DMXL1: variants seen among roughly 807,000 people sequenced by gnomAD.
DMXL1 encodes dmX-like protein 1.
A neutral mutation model predicts 319.2 loss-of-function variants in DMXL1; 99 were observed. The ratio of observed to expected loss-of-function variants is 0.31; its 90% CI spans 0.26 to 0.37. The LOEUF (loss-of-function observed/expected upper bound fraction) is 0.37, where lower values mean the gene tolerates loss of function less well. Among genes scored for constraint, DMXL1 ranks in the 10% least tolerant of loss-of-function variants. The probability of loss-of-function intolerance (pLI) is 1.00; values close to 1 mark genes in which losing one functional copy is unlikely to be tolerated. For missense variants in DMXL1, 3,745 were observed against 3,595.6 expected, an observed-to-expected ratio of 1.04 and a Z score of -1.06; for synonymous variants, 1,385 against 1,235.2, an observed-to-expected ratio of 1.12 and a Z score of -2.54.
intron 10 of DMXL1, among the ~76,000 whole-genome samples, chr5:119,130,262 TC>T (rs1211073692): frequency 6.6e-6 from 1 of 152,156 alleles, no homozygotes; most frequent in African/African-American, 2.4e-5. Flanking sequence ...CACACAAACA[TC>T]TAAATACAGA....
intron 27 of DMXL1, among the ~76,000 whole-genome samples, chr5:119,177,740 G>A (rs534447389): frequency 2.0e-5 from 3 of 151,864 alleles, no homozygotes; most frequent in East Asian, 3.9e-4. Context: ...AGAAAAACCC[G>A]TCTATGAAAA....
chr5:119,207,670 C>T (rs1006387276), intron 34 of DMXL1, among the ~76,000 whole-genome samples: 1 of 152,036 alleles, frequency 6.6e-6, no homozygotes. Flanking sequence ...AGGCGCCCAC[C>T]ACCACACCTG....
chr5:119,144,329 C>G (rs1185189939), intron 14 of DMXL1, among the ~76,000 whole-genome samples: 2 of 151,770 alleles, frequency 1.3e-5, no homozygotes, highest in South Asian at 2.1e-4. Flanking sequence ...TATAAAGACT[C>G]ATTGTAATGA....
rs750014685 is a variant in DMXL1, at chr5:119,197,954, C to G, written c.7743C>G (p.Phe2581Leu). Residue 2581 changes from phenylalanine to leucine, a missense_variant and splice_region_variant, in exon 32 of 44, where the codon TTC becomes TTG. Physicochemically the swap from Phe to Leu is conservative, Grantham distance 22. Around this residue, in one of 4 missense-constraint regions of DMXL1, gnomAD observed 1,382 missense variants for 1,269.5 expected, o/e 1.09. Coordinates refer to ENST00000539542, the MANE Select transcript of DMXL1 (RefSeq NM_001290321.3). ...TACTGGAACCTACAAACACTCCTTT[C>G]AAGTAGGTTTTCTTATGAATGCTAT... is the stretch of plus-strand genomic sequence containing the variant. Reference protein sequence around the residue: ...KALLEPTNTPFKSKHHLALSV... With the variant: ...KALLEPTNTPLKSKHHLALSV... 2 of 1,613,990 alleles carry G rather than the reference C, an allele frequency of 1.2e-6. No homozygotes were observed. The highest frequency in any genetic ancestry group is 1.3e-5 in the African/African-American group (1 of 75,036).
Position 119,175,335 on chromosome 5 carries a change from C to T in DMXL1, c.6756C>T (p.Tyr2252=), listed in dbSNP as rs1775592472. The change falls in exon 26 of 44, where the codon TAC becomes TAT. Residue 2252 remains tyrosine, a splice_region_variant and synonymous_variant. Transcript: ENST00000539542. ...AGTGCCTTTGTGGTAGTCATAACTA[C>T]AGGTAACTATCTTTTTATGAAATTT... ...IYQCLCGSHN[Y]SSFQTNQFTG... is the part of the protein sequence containing the mutation. 1 of 1,605,274 alleles carries T rather than the reference C, an allele frequency of 6.2e-7. No homozygotes were observed. The highest frequency in any genetic ancestry group is 8.5e-7 in the Non-Finnish European group (1 of 1,173,986).
intron 37 of DMXL1, among the ~76,000 whole-genome samples, chr5:119,223,453 T>G (rs1193580590): frequency 1.3e-5 from 2 of 152,182 alleles, no homozygotes; most frequent in Non-Finnish European, 2.9e-5. Context: ...AGAATGGTAT[T>G]GGACGTATAG....
chr5:119,241,301 G>C (rs369964898), intron 42 of DMXL1, among the ~76,000 whole-genome samples: 4 of 152,220 alleles, frequency 2.6e-5, no homozygotes, highest in Non-Finnish European at 4.4e-5. Context: ...GGAGGCCAAG[G>C]CGGGTGGATC....
intron 43 of DMXL1, among the ~76,000 whole-genome samples, chr5:119,245,469 T>A (rs1029622402): frequency 6.6e-6 from 1 of 152,136 alleles, no homozygotes; most frequent in Admixed American, 6.5e-5. Context: ...AGAATTATTT[T>A]CCTTCAGTTT....
At chr5:119,200,893 C>G (rs1780580342) in intron 32 of DMXL1, among the ~76,000 whole-genome samples, 1 of 152,136 alleles carries the variant, frequency 6.6e-6, no homozygotes, top group South Asian at 2.1e-4. Context: ...TATAGGAATG[C>G]TAGTGATTTC....
At chr5:119,245,762 T>A (rs994262427) in intron 43 of DMXL1, among the ~76,000 whole-genome samples, 1 of 151,952 alleles carries the variant, frequency 6.6e-6, no homozygotes, top group Non-Finnish European at 1.5e-5. Context: ...ATGGTCTCGA[T>A]CTCCTGACCT....
chr5:119,178,661 A>C (rs1010883020), intron 28 of DMXL1: 1 of 985,188 alleles, frequency 1.0e-6, no homozygotes, highest in Admixed American at 6.2e-5. Flanking sequence ...TTCAGCCATC[A>C]GTTCTCATAG....
intron 4 of DMXL1, among the ~76,000 whole-genome samples, chr5:119,107,241 T>A (rs1476276469): frequency 6.6e-6 from 1 of 151,918 alleles, no homozygotes; most frequent in Non-Finnish European, 1.5e-5. Context: ...TTCAGGAGGC[T>A]GAGGTGGGAG....
At chr5:119,203,675 T>G (rs1043993815) in intron 33 of DMXL1, among the ~76,000 whole-genome samples, 1 of 152,230 alleles carries the variant, frequency 6.6e-6, no homozygotes, top group African/African-American at 2.4e-5. Flanking sequence ...TTCCGCATCT[T>G]GTTTTGAATT....
At chr5:119,124,711 A>G (rs1185521394) in intron 9 of DMXL1, among the ~76,000 whole-genome samples, 3 of 151,748 alleles carry the variant, frequency 2.0e-5, no homozygotes, top group African/African-American at 7.3e-5. Context: ...GATTACAGGC[A>G]TGAGCCACCA....
intron 1 of DMXL1, 46 bp downstream of exon 1, chr5:119,071,702 C>T (rs750960555): frequency 3.3e-6 from 5 of 1,527,394 alleles, no homozygotes; most frequent in Non-Finnish European, 4.4e-6. Flanking sequence ...GGCCTTTGCC[C>T]GTCATTCTGG....
chr5:119,118,741 C>T (rs1761390496), intron 7 of DMXL1, 74 bp from the exon 8 acceptor site: 2 of 1,186,726 alleles, frequency 1.7e-6, no homozygotes, highest in Non-Finnish European at 1.2e-6. Flanking sequence ...TAAGTAATTA[C>T]AGAAACATCG....
chr5:119,233,822 T>C (rs1475518717), intron 39 of DMXL1, among the ~76,000 whole-genome samples: 1 of 152,162 alleles, frequency 6.6e-6, no homozygotes, highest in Admixed American at 6.6e-5. Context: ...TAAATGCATA[T>C]TATTGTTCCT....
intron 1 of DMXL1, among the ~76,000 whole-genome samples, chr5:119,095,084 GA>G (rs35324280): frequency 0.026 from 3,922 of 152,124 alleles, 72 homozygotes; most frequent in Non-Finnish European, 0.041. Flanking sequence ...TTAACTCCTG[GA>G]CCCAAGCGAC....
intron 34 of DMXL1, among the ~76,000 whole-genome samples, chr5:119,210,990 G>C (rs899780871): frequency 6.7e-6 from 1 of 148,590 alleles, no homozygotes; most frequent in African/African-American, 2.5e-5. Flanking sequence ...AAGGATGTTG[G>C]ATTTTATCAA....
Sources: allele counts gnomAD v4.1 joint callset (sites outside exome capture counted in the v4.1 genomes callset), GRCh38; gene constraint gnomAD v4.1.1; regional missense constraint gnomAD v4.1.1; transcripts MANE v1.5; gene names NCBI Gene and HGNC (gene_info 2026-07-23, HGNC 2026-07-21).